The following PRKAG2 variants were observed in gnomAD, a reference collection of about 807,000 sequenced individuals.
PRKAG2 encodes protein kinase AMP-activated non-catalytic subunit gamma 2.
In PRKAG2, 26 loss-of-function variants were observed where a neutral mutation model predicts 69.6. That is an observed-to-expected ratio of 0.37 (90% CI 0.27 to 0.52). The LOEUF is 0.52. Ranked by LOEUF, PRKAG2 falls within the 20% of genes least tolerant of loss-of-function variation. The pLI is 0.90. For missense variants in PRKAG2, 557 were observed against 740.0 expected, an observed-to-expected ratio of 0.75 and a Z score of 2.87; for synonymous variants, 293 against 285.0, an observed-to-expected ratio of 1.03 and a Z score of -0.28.
chr7:151,791,174 C>G (rs539067409), intron 1 of PRKAG2, among the ~76,000 whole-genome samples: 7 of 152,326 alleles, frequency 4.6e-5, no homozygotes, highest in African/African-American at 1.7e-4. Flanking sequence ...CCCAGCAAGT[C>G]CCAGTATTCT....
intron 1 of PRKAG2, among the ~76,000 whole-genome samples, chr7:151,804,972 G>A (rs2078029189): frequency 1.3e-5 from 2 of 152,212 alleles, no homozygotes; most frequent in South Asian, 4.1e-4. Context: ...CGCTGCGGAA[G>A]TGGCTCAACG....
intron 4 of PRKAG2, among the ~76,000 whole-genome samples, chr7:151,661,725 C>T (rs1295477346): frequency 2.0e-5 from 3 of 152,110 alleles, no homozygotes; most frequent in East Asian, 1.9e-4. Flanking sequence ...TACTCAAGCA[C>T]GGTGAGAGAG....
chr7:151,860,448 G>A (rs974501409), intron 1 of PRKAG2, among the ~76,000 whole-genome samples: 5 of 152,118 alleles, frequency 3.3e-5, no homozygotes, highest in East Asian at 1.9e-4. Context: ...TCAGAGACAC[G>A]CACTGATGGG....
chr7:151,736,645 G>A (rs1410564289), intron 3 of PRKAG2, among the ~76,000 whole-genome samples: 1 of 152,204 alleles, frequency 6.6e-6, no homozygotes, highest in African/African-American at 2.4e-5. Flanking sequence ...GCTGCCGGGT[G>A]GAGAAGCCAC....
chr7:151,569,410 G>A (rs1468808714), intron 10 of PRKAG2, among the ~76,000 whole-genome samples: 2 of 152,222 alleles, frequency 1.3e-5, no homozygotes, highest in Non-Finnish European at 2.9e-5. Context: ...CCTTAGAAAA[G>A]CAAACAGATA....
chr7:151,755,146 A>G (rs1277886649), intron 3 of PRKAG2, among the ~76,000 whole-genome samples: 2 of 152,106 alleles, frequency 1.3e-5, no homozygotes, highest in Non-Finnish European at 2.9e-5. Flanking sequence ...TATTGGGCGT[A>G]GGCCGGCTCT....
intron 1 of PRKAG2, among the ~76,000 whole-genome samples, chr7:151,843,899 G>T (rs1424767756): frequency 6.6e-6 from 1 of 152,252 alleles, no homozygotes; most frequent in Admixed American, 6.5e-5. Context: ...TCAGAGCCCA[G>T]CCAGGGAAGG....
intron 3 of PRKAG2, among the ~76,000 whole-genome samples, chr7:151,722,301 C>T (rs997908238): frequency 4.6e-5 from 7 of 152,230 alleles, no homozygotes; most frequent in Admixed American, 2.0e-4. Context: ...TTCAGGGGAG[C>T]GTTAGTTCGT....
chr7:151,840,303 T>G (rs368615324), intron 1 of PRKAG2, among the ~76,000 whole-genome samples: 40 of 152,034 alleles, frequency 2.6e-4, no homozygotes, highest in Admixed American at 1.0e-3. Flanking sequence ...CCTTCGAGGT[T>G]CCCCAGGCTG....
At chr7:151,731,076 T>C (rs1798852971) in intron 3 of PRKAG2, among the ~76,000 whole-genome samples, 1 of 152,232 alleles carries the variant, frequency 6.6e-6, no homozygotes, top group Admixed American at 6.5e-5. Context: ...TGCCCTGTAA[T>C]TGCAGAGGGT....
intron 1 of PRKAG2, among the ~76,000 whole-genome samples, chr7:151,818,405 C>A (rs988522199): frequency 6.6e-6 from 1 of 152,002 alleles, no homozygotes; most frequent in Non-Finnish European, 1.5e-5. Flanking sequence ...CAGCCCTTCA[C>A]CTAAAAGTCA....
chr7:151,653,203 C>A (rs1828832050), intron 4 of PRKAG2, among the ~76,000 whole-genome samples: 1 of 152,010 alleles, frequency 6.6e-6, no homozygotes, highest in Non-Finnish European at 1.5e-5. Context: ...TTATCTCAAC[C>A]ACATCATTAG....
chr7:151,832,257 AGGGAAGGAAGGGAG>A (rs2079048205), intron 1 of PRKAG2, among the ~76,000 whole-genome samples: 1 of 108,504 alleles, frequency 9.2e-6, no homozygotes, highest in East Asian at 2.7e-4. Flanking sequence ...GGAAGGGAGG[AGGGAAGGAAGGGAG>A]GAGGGAAGGA....
rs1052183456 is a variant in PRKAG2 at position 151,647,849 on chromosome 7, G to A, written c.685-15711C>T. Reference sequence around the variant, plus strand: ...GCTGCAGGAGAGCCTGGAGTCAGCGGGGACATTGAAGACGTCTTTACAATG... The same window carrying A: ...GCTGCAGGAGAGCCTGGAGTCAGCGAGGACATTGAAGACGTCTTTACAATG... On this transcript the variant is annotated intron_variant, in intron 4 of 15. Coordinates refer to ENST00000287878, the MANE Select transcript of PRKAG2 (RefSeq NM_016203.4). 5.9e-5 allele frequency among the ~76,000 whole-genome samples: 9 copies of A among 152,284 alleles called. 1 individual carries two copies. The highest frequency in any genetic ancestry group is 3.9e-4 in the East Asian group (2 of 5,186).
At chr7:151,782,827 C>T (rs1410441676) in intron 2 of PRKAG2, among the ~76,000 whole-genome samples, 1 of 152,200 alleles carries the variant, frequency 6.6e-6, no homozygotes, top group African/African-American at 2.4e-5. Context: ...CAGCTCTTGT[C>T]CTACCACTTG....
chr7:151,653,366 C>A (rs2727528), intron 4 of PRKAG2, among the ~76,000 whole-genome samples: 90,481 of 151,934 alleles, frequency 0.6, 27,057 homozygotes, highest in East Asian at 0.63. Flanking sequence ...CCCTTTAGAT[C>A]GAAAACAGGA....
intron 1 of PRKAG2, among the ~76,000 whole-genome samples, chr7:151,805,980 C>A (rs1056059875): frequency 1.3e-5 from 2 of 152,242 alleles, no homozygotes; most frequent in Non-Finnish European, 2.9e-5. Flanking sequence ...AGGCTGATCA[C>A]CTGAGGTCAG....
At chr7:151,681,980 C>T (rs1833954400) in intron 3 of PRKAG2, among the ~76,000 whole-genome samples, 3 of 152,180 alleles carry the variant, frequency 2.0e-5, no homozygotes, top group Admixed American at 2.0e-4. Context: ...CTTGGGACCC[C>T]ATGTGCTTCC....
rs1014719252 is a variant in PRKAG2, at chr7:151,780,272, C to T, written c.466+880G>A. ...AACACCGAAATTCCCCTCTTGCTGC[C>T]GCCTGGCCTTGCAGATATAAAGCGT... On this transcript the variant is annotated intron_variant, in intron 3 of 15. Coordinates refer to ENST00000287878, the MANE Select transcript of PRKAG2 (RefSeq NM_016203.4). The surrounding 1 kb of genome is among the most constrained non-coding windows in gnomAD (Gnocchi z 4.2). Among the ~76,000 whole-genome samples, 2 of 152,172 alleles carry T rather than the reference C, an allele frequency of 1.3e-5. No homozygotes were observed. The highest frequency in any genetic ancestry group is 4.8e-5 in the African/African-American group (2 of 41,442).
Sources: allele counts gnomAD v4.1 joint callset (sites outside exome capture counted in the v4.1 genomes callset), GRCh38; gene constraint gnomAD v4.1.1; non-coding constraint Gnocchi (gnomAD v3.1); transcripts MANE v1.5; gene names NCBI Gene and HGNC (gene_info 2026-07-23, HGNC 2026-07-21).